The following ARHGAP20 variants were observed in gnomAD, a reference collection of about 807,000 sequenced individuals.
ARHGAP20 encodes Rho GTPase activating protein 20.
A neutral mutation model predicts 73.7 loss-of-function variants in ARHGAP20; 34 were observed. The ratio of observed to expected loss-of-function variants is 0.46; its 90% confidence interval spans 0.35 to 0.61. The LOEUF (loss-of-function observed/expected upper bound fraction) is 0.61, where lower values mean the gene tolerates loss of function less well. Ranked by LOEUF, ARHGAP20 falls within the 20% of genes least tolerant of loss-of-function variation. The pLI is 0.00. For synonymous variants in ARHGAP20, 523 were observed against 518.2 expected (o/e 1.01, Z -0.13); for missense variants, 1,314 against 1,420.9 (o/e 0.92, Z 1.21).
chr11:110,589,828 A>G, intron 11 of ARHGAP20: 1 of 643,158 alleles, frequency 1.6e-6, no homozygotes, highest in Non-Finnish European at 1.9e-6. Context: ...CTTTTAAAGT[A>G]AAAGGCATTA....
intron 9 of ARHGAP20, among the ~76,000 whole-genome samples, chr11:110,604,084 T>C (rs1254269171): frequency 6.6e-6 from 1 of 152,156 alleles, no homozygotes; most frequent in East Asian, 1.9e-4. Context: ...TTTTTTCTCC[T>C]GTTATGTAAC....
chr11:110,705,423 CACTA>C (rs1950535094), intron 1 of ARHGAP20, among the ~76,000 whole-genome samples: 1 of 152,172 alleles, frequency 6.6e-6, no homozygotes, highest in Non-Finnish European at 1.5e-5. Flanking sequence ...GCAACAACTG[CACTA>C]ACTATTTAGG....
Position 110,580,013 on chromosome 11 carries a change from G to A in ARHGAP20, c.2933C>T (p.Thr978Ile). Reference sequence around the variant, plus strand: ...TTCCCGTTTTCTCTGAGCCTGAAAAGTGCAATCTATTGGAGAGGAAGTCTC... The same window carrying A: ...TTCCCGTTTTCTCTGAGCCTGAAAAATGCAATCTATTGGAGAGGAAGTCTC... ...PTETSSPIDC[T>I]FQAQRKREDL... The change falls in exon 15 of 15, where the codon ACT becomes ATT. Residue 978 changes from threonine (T) to isoleucine (I), a missense_variant. Physicochemically the swap from Thr to Ile is moderately conservative, Grantham distance 89. Coordinates refer to ENST00000683387, the MANE Select transcript of ARHGAP20 (RefSeq NM_001384657.1). The A allele has an allele frequency of 6.2e-7, 1 of 1,614,206 alleles. No homozygotes were observed. Among genetic ancestry groups the A allele is most frequent in the Non-Finnish European group, 8.5e-7 (1 of 1,180,030 alleles).
upstream of ARHGAP20, chr11:110,713,176 A>G (rs1950708384): frequency 6.6e-6 from 1 of 152,298 alleles, no homozygotes; most frequent in South Asian, 2.1e-4. Flanking sequence ...TGGCTAAGCT[A>G]TTGAGAAGGC....
rs774758703 is a variant in ARHGAP20, at chr11:110,583,675, T to C, written c.1478A>G (p.His493Arg). 1 of 1,610,884 alleles carries C rather than the reference T, an allele frequency of 6.2e-7. No homozygotes were observed. Among genetic ancestry groups the C allele is most frequent in the African/African-American group, 1.3e-5 (1 of 74,868 alleles). The change falls in exon 13 of 15, where the codon CAC (histidine) becomes CGC (arginine). Residue 493 changes from histidine (H) to arginine (R), a missense_variant. This residue lies in a region of ARHGAP20 where 230 missense variants were observed against 317.6 expected (regional missense o/e 0.72). Coordinates refer to ENST00000683387, the MANE Select transcript of ARHGAP20 (RefSeq NM_001384657.1). The part of the protein sequence containing the change: ...VLLRYLFGVL[H>R]NIEQHSSSNQ... ...GGATGAGGAATGTTGCTCAATGTTG[T>C]GTAACACCCCAAAAAGATACCTTAG...
intron 1 of ARHGAP20, among the ~76,000 whole-genome samples, chr11:110,707,274 T>C (rs1413228215): frequency 6.6e-6 from 1 of 152,166 alleles, no homozygotes. Flanking sequence ...ATACAAATCA[T>C]TCCTAACTAA....
intron 3 of ARHGAP20, among the ~76,000 whole-genome samples, chr11:110,627,048 G>A (rs1056852349): frequency 1.2e-4 from 18 of 151,988 alleles, no homozygotes; most frequent in Non-Finnish European, 2.9e-5. Context: ...GAATTAAAAA[G>A]TGTGAATCCA....
At chr11:110,652,341 C>T (rs1265424129) in intron 2 of ARHGAP20, among the ~76,000 whole-genome samples, 1 of 152,118 alleles carries the variant, frequency 6.6e-6, no homozygotes. Flanking sequence ...CAATGATATG[C>T]TCTCTCTCCA....
At chr11:110,697,828 T>C (rs1950365861) in intron 1 of ARHGAP20, among the ~76,000 whole-genome samples, 1 of 151,928 alleles carries the variant, frequency 6.6e-6, no homozygotes, top group Non-Finnish European at 1.5e-5. Context: ...TGCCACAGCC[T>C]TGTAGTATAA....
intron 1 of ARHGAP20, chr11:110,711,544 G>T: frequency 7.5e-7 from 1 of 1,325,532 alleles, no homozygotes. Context: ...CAGGACCCTG[G>T]TGTGGGGGGC....
intron 4 of ARHGAP20, among the ~76,000 whole-genome samples, chr11:110,622,891 AATAAT>A (rs775754679): frequency 6.6e-6 from 1 of 152,198 alleles, no homozygotes; most frequent in African/African-American, 2.4e-5. Context: ...CCATAGTTTA[AATAAT>A]ATAATATAGG....
Position 110,580,382 on chromosome 11 carries a change from C to G in ARHGAP20, c.2564G>C (p.Arg855Pro), listed in dbSNP as rs148615316. The part of the protein sequence containing the change: ...CSEPNIEDQN[R>P]KLTYLRGIYS... The stretch of plus-strand genomic sequence containing the variant: ...AATTCCCCTGAGATAGGTCAGCTTG[C>G]GGTTCTGGTCTTCTATGTTGGGCTC... Residue 855 changes from arginine to proline, a missense_variant, in exon 15 of 15, where the codon CGC becomes CCC. By Grantham distance (103) the Arg-to-Pro change is moderately radical. Around this residue, in one of 3 missense-constraint regions of ARHGAP20, gnomAD observed 641 missense variants for 636.9 expected, o/e 1.01. Transcript: ENST00000683387. The G allele has an allele frequency of 1.1e-5, 18 of 1,614,102 alleles. No individual in the cohort carries two copies. In the African/African-American group the frequency reaches 2.4e-4, roughly 22 times the overall value.
Position 110,590,727 on chromosome 11 carries a change from T to A in ARHGAP20, c.1226A>T (p.Glu409Val), listed in dbSNP as rs1947804305. ...TCCAGAATTCAATTTCTCTTTTAGTTCTCTGCAGGATTTCACATTGGCTGA... is the reference window on the plus strand; with the variant it reads ...TCCAGAATTCAATTTCTCTTTTAGTACTCTGCAGGATTTCACATTGGCTGA... The part of the protein sequence containing the change: ...RQSANVKSCR[E>V]LKEKLNSGVE... Residue 409 changes from glutamate (E) to valine (V), a missense_variant, in exon 11 of 15, where the codon GAA becomes GTA. Around this residue, in one of 3 missense-constraint regions of ARHGAP20, gnomAD observed 230 missense variants for 317.6 expected, o/e 0.72. Coordinates refer to ENST00000683387, the MANE Select transcript of ARHGAP20 (RefSeq NM_001384657.1). The A allele has an allele frequency of 6.2e-7, 1 of 1,614,040 alleles. No homozygotes were observed. Among genetic ancestry groups the A allele is most frequent in the African/African-American group, 1.3e-5 (1 of 74,940 alleles).
intron 2 of ARHGAP20, among the ~76,000 whole-genome samples, chr11:110,689,868 C>G (rs367682242): frequency 1.3e-3 from 200 of 152,174 alleles, no homozygotes; most frequent in Middle Eastern, 0.01. Flanking sequence ...TACTTGTCTT[C>G]TCAAGTCGCC....
Position 110,594,766 on chromosome 11 carries a change from G to T in ARHGAP20, c.965-2611C>A, listed in dbSNP as rs796657597. On this transcript the variant is annotated intron_variant, in intron 9 of 14. Transcript: ENST00000683387. ...ACTATTCCAATCAATAGAAAAAGAG[G>T]GAATCCTCCCTAACTCATTTTATGA... Among the ~76,000 whole-genome samples, 849 of 151,980 alleles carry T rather than the reference G, an allele frequency of 5.6e-3. 4 individuals carry two copies. The highest frequency in any genetic ancestry group is 9.3e-3 in the Non-Finnish European group (629 of 67,954).
At chr11:110,658,524 T>G (rs1209516228) in intron 2 of ARHGAP20, among the ~76,000 whole-genome samples, 1 of 152,192 alleles carries the variant, frequency 6.6e-6, no homozygotes, top group Admixed American at 6.5e-5. Context: ...CAGTAAGTAA[T>G]AATTTATGCC....
chr11:110,592,300 T>C (rs1947848984), intron 9 of ARHGAP20, 145 bp from the exon 10 acceptor site: 1 of 653,816 alleles, frequency 1.5e-6, no homozygotes, highest in Non-Finnish European at 2.4e-6. Flanking sequence ...CAATTCAACC[T>C]ATAAAATTTC....
intron 1 of ARHGAP20, among the ~76,000 whole-genome samples, chr11:110,699,473 A>G (rs1008730412): frequency 1.3e-5 from 2 of 151,884 alleles, no homozygotes; most frequent in African/African-American, 2.4e-5. Flanking sequence ...TTCTGCCTTG[A>G]TGATCTGTCC....
chr11:110,671,238 A>C (rs1016189043), intron 2 of ARHGAP20, among the ~76,000 whole-genome samples: 15 of 151,942 alleles, frequency 9.9e-5, no homozygotes, highest in African/African-American at 3.1e-4. Flanking sequence ...AGAAAAAAAA[A>C]CCCAACAACA....
Sources: gnomAD v4.1 joint callset for allele counts (sites outside exome capture counted in the v4.1 genomes callset) on GRCh38, gnomAD v4.1.1 for gene constraint, gnomAD v4.1.1 regional missense constraint, MANE v1.5 for transcripts, NCBI Gene and HGNC (gene_info 2026-07-23, HGNC 2026-07-21) for gene names.